Variants in CDC73 observed in about 807,000 individuals in gnomAD.
CDC73 encodes cell division cycle 73.
Under a neutral mutation model 83.7 loss-of-function variants are expected in CDC73, and 21 were observed. The observed-to-expected ratio is 0.25, with a 90% confidence interval of 0.18 to 0.36. The LOEUF (loss-of-function observed/expected upper bound fraction) is 0.36. Ranked by LOEUF, CDC73 falls within the 10% of genes least tolerant of loss-of-function variation. The pLI is 1.00. For synonymous variants in CDC73, 224 were observed against 212.9 expected (o/e 1.05, Z -0.45); for missense variants, 342 against 653.3 (o/e 0.52, Z 5.19).
chr1:193,132,263 C>T (rs1675709407), intron 3 of CDC73, among the ~76,000 whole-genome samples: 1 of 152,142 alleles, frequency 6.6e-6, no homozygotes. Flanking sequence ...ATGCTTTCTT[C>T]CTATGCTGTC....
At chr1:193,222,067 A>C (rs949456762) in intron 13 of CDC73, among the ~76,000 whole-genome samples, 1 of 152,240 alleles carries the variant, frequency 6.6e-6, no homozygotes, top group East Asian at 1.9e-4. Flanking sequence ...ACCCTTTAAC[A>C]TGCTAACAAA....
intron 10 of CDC73, among the ~76,000 whole-genome samples, chr1:193,187,881 T>C (rs1676847043): frequency 6.6e-6 from 1 of 152,218 alleles, no homozygotes; most frequent in Admixed American, 6.5e-5. Flanking sequence ...GACTGAGCTT[T>C]GACTTTTCCT....
intron 3 of CDC73, among the ~76,000 whole-genome samples, chr1:193,131,078 T>A (rs535257278): frequency 1.1e-4 from 17 of 152,326 alleles, no homozygotes; most frequent in African/African-American, 4.1e-4. Flanking sequence ...TTTCAAGTGT[T>A]TTTTTCAGCA....
At chr1:193,142,113 G>C (rs777363274) in intron 7 of CDC73, 47 bp downstream of exon 7, 1 of 1,464,558 alleles carries the variant, frequency 6.8e-7, no homozygotes, top group South Asian at 1.1e-5. Context: ...GAGAGAGAGA[G>C]AGAGTGCGTT....
chr1:193,216,001 C>T (rs754311630), intron 13 of CDC73, among the ~76,000 whole-genome samples: 2 of 152,120 alleles, frequency 1.3e-5, no homozygotes, highest in African/African-American at 2.4e-5. Flanking sequence ...GCCTATATCA[C>T]GAAGTTAGAT....
At chr1:193,225,119 T>C (rs985045568) in intron 13 of CDC73, among the ~76,000 whole-genome samples, 13 of 151,654 alleles carry the variant, frequency 8.6e-5, no homozygotes, top group African/African-American at 2.9e-4. Flanking sequence ...CACTTACAAA[T>C]GAGATCATTC....
intron 10 of CDC73, among the ~76,000 whole-genome samples, chr1:193,165,279 G>GC (rs1344535532): frequency 6.6e-6 from 1 of 152,140 alleles, no homozygotes; most frequent in Non-Finnish European, 1.5e-5. Flanking sequence ...TTTCAGTGCT[G>GC]CAAAGACATT....
chr1:193,162,381 T>TAC (rs1476025452), intron 10 of CDC73, among the ~76,000 whole-genome samples: 29 of 141,424 alleles, frequency 2.1e-4, no homozygotes, highest in Admixed American at 1.4e-3. Context: ...TATATATATA[T>TAC]ACACATATGA....
At chr1:193,191,546 C>G (rs575155743) in intron 10 of CDC73, among the ~76,000 whole-genome samples, 114 of 152,192 alleles carry the variant, frequency 7.5e-4, no homozygotes, top group African/African-American at 2.4e-3. Context: ...TGCCACCACA[C>G]TTGGCTAATT....
intron 15 of CDC73, chr1:193,237,116 TG>T (rs1195617733): frequency 6.6e-6 from 1 of 151,714 alleles, no homozygotes; most frequent in Non-Finnish European, 1.5e-5. Context: ...GCTAATTTTT[TG>T]TATTTTTAGT....
intron 13 of CDC73, among the ~76,000 whole-genome samples, chr1:193,227,315 G>A (rs1677582559): frequency 6.6e-6 from 1 of 151,850 alleles, no homozygotes; most frequent in African/African-American, 2.4e-5. Flanking sequence ...ATATATCTGA[G>A]CGATTGGCTT....
chr1:193,210,241 G>T (rs375544681), intron 11 of CDC73, among the ~76,000 whole-genome samples: 1 of 152,186 alleles, frequency 6.6e-6, no homozygotes, highest in East Asian at 1.9e-4. Context: ...CAATGAGAGA[G>T]CTATATAAAG....
chr1:193,202,613 C>CTT (rs35435159), intron 10 of CDC73, among the ~76,000 whole-genome samples: 5,398 of 126,366 alleles, frequency 0.043, 364 homozygotes, highest in African/African-American at 0.14. Context: ...CCTCAGGTGT[C>CTT]TTTTTTTTTT....
At chr1:193,129,524 A>ATTTATTTATTTATTTG (rs1675653718) in intron 2 of CDC73, among the ~76,000 whole-genome samples, 2 of 151,676 alleles carry the variant, frequency 1.3e-5, no homozygotes, top group African/African-American at 4.8e-5. Context: ...TTATTTATTT[A>ATTTATTTATTTATTTG]GAGACGGAAT....
chr1:193,155,594 A>G (rs577579565), intron 10 of CDC73, among the ~76,000 whole-genome samples: 3 of 152,168 alleles, frequency 2.0e-5, no homozygotes, highest in African/African-American at 7.2e-5. Context: ...CTCGGTTAAC[A>G]TGGCAAAACC....
chr1:193,144,368 G>T (rs543193279), intron 7 of CDC73, among the ~76,000 whole-genome samples: 1 of 151,986 alleles, frequency 6.6e-6, no homozygotes, highest in South Asian at 2.1e-4. Flanking sequence ...TAATTCTGCT[G>T]CATAGTAGAT....
rs912332249 is a variant in CDC73, at chr1:193,251,703, T to A, written c.*991T>A. 5.6e-5 allele frequency: 13 copies of A among 232,128 alleles called. No individual in the cohort carries two copies. The highest frequency in any genetic ancestry group is 1.1e-4 in the Non-Finnish European group (13 of 117,094). 14.4% of individuals were successfully genotyped at this position (232,128 alleles called of 1,614,324 possible). A position where few individuals can be genotyped will look rare whatever the true frequency, so the allele number is the denominator to read the frequency against. ...AACAAGAGAAAAACACTGGTATTTTTATGTCTGTATTCAATATGGTATAAA... is the reference window on the plus strand; with the variant it reads ...AACAAGAGAAAAACACTGGTATTTTAATGTCTGTATTCAATATGGTATAAA... On this transcript the variant is annotated 3_prime_UTR_variant, in exon 17 of 17. Transcript: ENST00000367435.
intron 10 of CDC73, among the ~76,000 whole-genome samples, chr1:193,196,289 T>C (rs563450529): frequency 3.3e-5 from 5 of 152,318 alleles, no homozygotes; most frequent in African/African-American, 7.2e-5. Context: ...TGTCAAAAAT[T>C]AGTTGACCAT....
intron 10 of CDC73, among the ~76,000 whole-genome samples, chr1:193,163,168 TG>T (rs1676371733): frequency 6.6e-6 from 1 of 151,560 alleles, no homozygotes; most frequent in Admixed American, 6.6e-5. Flanking sequence ...TGTGTGTGTG[TG>T]TGTGTGTGGG....
Sources: gnomAD v4.1 joint callset for allele counts (sites outside exome capture counted in the v4.1 genomes callset) on GRCh38, gnomAD v4.1.1 for gene constraint, MANE v1.5 for transcripts, NCBI Gene and HGNC (gene_info 2026-07-23, HGNC 2026-07-21) for gene names.